Variants in MVB12B observed in about 807,000 individuals in gnomAD.
MVB12B encodes ESCRT-I complex subunit MVB12B.
In MVB12B, 16 loss-of-function variants were observed where a neutral mutation model predicts 41.6. That is an observed-to-expected ratio of 0.38 (90% CI 0.26 to 0.58). The LOEUF is 0.58. Ranked by LOEUF, MVB12B falls within the 20% of genes least tolerant of loss-of-function variation. MVB12B has a pLI of 0.62. For missense variants in MVB12B, 274 were observed against 380.2 expected (o/e 0.72, Z 2.32); for synonymous variants, 133 against 139.7 (o/e 0.95, Z 0.34).
chr9:126,449,839 T>C (rs1832858651), intron 7 of MVB12B, among the ~76,000 whole-genome samples: 1 of 152,186 alleles, frequency 6.6e-6, no homozygotes, highest in African/African-American at 2.4e-5. Context: ...ACTCATTTAA[T>C]CCTTGAAACC....
chr9:126,329,353 A>G (rs2118776488), intron 1 of MVB12B, among the ~76,000 whole-genome samples: 1 of 152,348 alleles, frequency 6.6e-6, no homozygotes, highest in South Asian at 2.1e-4. Context: ...GGCGGTCCTC[A>G]TGAAATTTAA....
chr9:126,476,790 TGACGTGAACCCAGGAG>T (rs1833429938), intron 7 of MVB12B, among the ~76,000 whole-genome samples: 2 of 141,486 alleles, frequency 1.4e-5, no homozygotes, highest in Non-Finnish European at 1.5e-5. Context: ...GGCAGGAGAA[TGACGTGAACCCAGGAG>T]GAGGAGCTTG....
chr9:126,484,479 A>G (rs998435996), intron 9 of MVB12B, among the ~76,000 whole-genome samples: 1 of 151,556 alleles, frequency 6.6e-6, no homozygotes, highest in Non-Finnish European at 1.5e-5. Flanking sequence ...ACTGTGCTTC[A>G]TGAGGTCAGG....
chr9:126,399,887 C>T (rs538950003), intron 6 of MVB12B, among the ~76,000 whole-genome samples: 1 of 152,246 alleles, frequency 6.6e-6, no homozygotes, highest in African/African-American at 2.4e-5. Context: ...TCCTCTACAG[C>T]CAGAACAACC....
At chr9:126,431,496 A>G (rs1295232921) in intron 7 of MVB12B, among the ~76,000 whole-genome samples, 1 of 152,212 alleles carries the variant, frequency 6.6e-6, no homozygotes, top group African/African-American at 2.4e-5. Context: ...CCCCATGGGT[A>G]GGAAGAAGTT....
At position 126,376,690 on chromosome 9, in the gene MVB12B, A is replaced by G. The variant is rs1830490722; in HGVS notation, c.205-4374A>G. On this transcript the variant is annotated intron_variant, in intron 2 of 9. Coordinates refer to ENST00000361171, the MANE Select transcript of MVB12B (RefSeq NM_033446.3). This position sits in a 1 kb window ranked among gnomAD's most constrained non-coding sequence, Gnocchi z 4.1. ...ATTCAGTGTGTACGCTTGGTTACTCAATTACCCTCGTTTCCACTCTGAAGT... is the reference window on the plus strand; with the variant it reads ...ATTCAGTGTGTACGCTTGGTTACTCGATTACCCTCGTTTCCACTCTGAAGT... 4.7e-6 allele frequency: 6 copies of G among 1,274,988 alleles called. No homozygotes were observed. The South Asian group carries it at 5.0e-5, about 11-fold the overall frequency. 79.0% of individuals were successfully genotyped at this position (1,274,988 alleles called of 1,614,324 possible). A position where few individuals can be genotyped will look rare whatever the true frequency, so the allele number is the denominator to read the frequency against.
intron 7 of MVB12B, among the ~76,000 whole-genome samples, chr9:126,467,126 G>A (rs935513183): frequency 2.6e-5 from 4 of 152,100 alleles, no homozygotes; most frequent in Non-Finnish European, 4.4e-5. Context: ...GAGCCACTGC[G>A]CCCAGCCGGA....
At chr9:126,483,365 ACT>A (rs912169009) in intron 8 of MVB12B, among the ~76,000 whole-genome samples, 2 of 151,838 alleles carry the variant, frequency 1.3e-5, no homozygotes, top group Non-Finnish European at 2.9e-5. Flanking sequence ...AATTATAAAA[ACT>A]CTCATTAAAA....
chr9:126,479,447 G>A (rs1166595912), intron 7 of MVB12B, among the ~76,000 whole-genome samples: 5 of 152,152 alleles, frequency 3.3e-5, no homozygotes, highest in African/African-American at 9.7e-5. Flanking sequence ...TTTTTCATCT[G>A]TGAAGCAGCA....
intron 6 of MVB12B, among the ~76,000 whole-genome samples, chr9:126,414,995 C>T (rs1438888469): frequency 1.3e-5 from 2 of 152,036 alleles, no homozygotes; most frequent in African/African-American, 4.8e-5. Context: ...CTTCCAAAGT[C>T]CTGGGATTAT....
chr9:126,499,323 C>G (rs1833903632), intron 9 of MVB12B, among the ~76,000 whole-genome samples: 2 of 152,124 alleles, frequency 1.3e-5, no homozygotes, highest in African/African-American at 4.8e-5. Flanking sequence ...AGGCCTCAGG[C>G]CCGGGCTGCC....
chr9:126,367,121 G>A lies in MVB12B; in HGVS notation c.205-13943G>A, dbSNP rs1830203737. Among the ~76,000 whole-genome samples, 2 of 152,042 alleles carry A rather than the reference G, an allele frequency of 1.3e-5. No individual in the cohort carries two copies. The highest frequency in any genetic ancestry group is 2.4e-5 in the African/African-American group (1 of 41,392). The stretch of plus-strand genomic sequence containing the variant: ...TCTGTCTCTGCTACCAGCTGGATAA[G>A]GTCCTCACAAGTCTTGACGCGGGTA... On this transcript the variant is annotated intron_variant, in intron 2 of 9. Coordinates refer to ENST00000361171, the MANE Select transcript of MVB12B (RefSeq NM_033446.3). This position sits in a 1 kb window ranked among gnomAD's most constrained non-coding sequence, Gnocchi z 4.3.
intron 2 of MVB12B, among the ~76,000 whole-genome samples, chr9:126,370,438 A>G (rs1047278612): frequency 6.9e-6 from 1 of 144,810 alleles, no homozygotes; most frequent in Non-Finnish European, 1.5e-5. Context: ...GCTGGAGTGC[A>G]GTGGCGCCAT....
chr9:126,414,934 T>C (rs139399202), intron 6 of MVB12B, among the ~76,000 whole-genome samples: 45 of 152,296 alleles, frequency 3.0e-4, no homozygotes, highest in Non-Finnish European at 4.9e-4. Flanking sequence ...TTCACCATGA[T>C]GCCCAGGCTG....
chr9:126,444,647 A>G (rs903393924), intron 7 of MVB12B, among the ~76,000 whole-genome samples: 1 of 150,932 alleles, frequency 6.6e-6, no homozygotes, highest in African/African-American at 2.4e-5. Context: ...TGTTTCCTTT[A>G]TGTTTTGTGT....
At position 126,376,617 on chromosome 9, in the gene MVB12B, G is replaced by A. The variant is rs1326861642; in HGVS notation, c.205-4447G>A. ...CAGTGTTCAGGGGAGGCGGCTGGAA[G>A]CAAGAAGGAGGGTAAGCGCGGGTGG... On this transcript the variant is annotated intron_variant, in intron 2 of 9. Coordinates refer to ENST00000361171, the MANE Select transcript of MVB12B (RefSeq NM_033446.3). This position sits in a 1 kb window ranked among gnomAD's most constrained non-coding sequence, Gnocchi z 4.1. The A allele has an allele frequency of 2.3e-6, 3 of 1,289,270 alleles. No individual in the cohort carries two copies. The highest frequency in any genetic ancestry group is 2.3e-5 in the Admixed American group (1 of 43,552). 79.9% of individuals were successfully genotyped at this position (1,289,270 alleles called of 1,614,324 possible).
At chr9:126,409,508 T>C (rs1484896629) in intron 6 of MVB12B, among the ~76,000 whole-genome samples, 1 of 152,164 alleles carries the variant, frequency 6.6e-6, no homozygotes, top group Non-Finnish European at 1.5e-5. Flanking sequence ...AGCACCACCC[T>C]GGTGCCCAGT....
chr9:126,442,752 T>G (rs1368353645), intron 7 of MVB12B, among the ~76,000 whole-genome samples: 2 of 152,222 alleles, frequency 1.3e-5, no homozygotes, highest in South Asian at 4.2e-4. Flanking sequence ...CAGTGGCTCT[T>G]AAAGCTTCTG....
At chr9:126,464,319 T>C (rs913285844) in intron 7 of MVB12B, among the ~76,000 whole-genome samples, 2 of 152,192 alleles carry the variant, frequency 1.3e-5, no homozygotes, top group African/African-American at 2.4e-5. Flanking sequence ...GAAAGGCCTA[T>C]CACAGATGGA....
Sources: gnomAD v4.1 joint callset for allele counts (sites outside exome capture counted in the v4.1 genomes callset) on GRCh38, gnomAD v4.1.1 for gene constraint, Gnocchi (gnomAD v3.1) non-coding constraint, MANE v1.5 for transcripts, NCBI Gene and HGNC (gene_info 2026-07-23, HGNC 2026-07-21) for gene names.